LTBP1: variants seen among roughly 807,000 people sequenced by gnomAD.
The protein encoded by LTBP1 is latent-transforming growth factor beta-binding protein 1.
A neutral mutation model predicts 207.6 loss-of-function variants in LTBP1; 129 were observed. The observed-to-expected ratio is 0.62, with a 90% CI of 0.54 to 0.72. The LOEUF is 0.72. LTBP1 is among the 30% of genes least tolerant of loss of function. LTBP1 has a pLI of 0.00. For missense variants in LTBP1, 2,281 were observed against 2,217.2 expected (o/e 1.03, Z -0.58); for synonymous variants, 963 against 833.7 (o/e 1.16, Z -2.67).
chr2:33,279,657 G>C (rs530763576), intron 18 of LTBP1, among the ~76,000 whole-genome samples: 2 of 152,134 alleles, frequency 1.3e-5, no homozygotes, highest in Non-Finnish European at 2.9e-5. Flanking sequence ...CTAGCTGGGT[G>C]GATACATAGC....
At chr2:33,193,049 C>T (rs75357803) in intron 7 of LTBP1, among the ~76,000 whole-genome samples, 2,471 of 152,262 alleles carry the variant, frequency 0.016, 62 homozygotes, top group African/African-American at 0.055. Flanking sequence ...ACATTCAAAC[C>T]ATAGGAAATG....
At chr2:33,270,686 C>G (rs1176284864) in intron 15 of LTBP1, among the ~76,000 whole-genome samples, 1 of 151,066 alleles carries the variant, frequency 6.6e-6, no homozygotes, top group Non-Finnish European at 1.5e-5. Flanking sequence ...TAATTAATCA[C>G]TTGTGTAAAA....
intron 3 of LTBP1, among the ~76,000 whole-genome samples, chr2:33,082,263 C>T (rs950560523): frequency 6.6e-6 from 1 of 152,004 alleles, no homozygotes; most frequent in Non-Finnish European, 1.5e-5. Flanking sequence ...CATGTCAGCC[C>T]CTTGATCTTG....
intron 15 of LTBP1, among the ~76,000 whole-genome samples, chr2:33,268,388 C>G (rs1259869591): frequency 6.6e-6 from 1 of 152,170 alleles, no homozygotes; most frequent in African/African-American, 2.4e-5. Context: ...ACGTAAGAGT[C>G]TAAAATGAAT....
At chr2:33,180,425 A>G (rs960218413) in intron 5 of LTBP1, among the ~76,000 whole-genome samples, 3 of 149,400 alleles carry the variant, frequency 2.0e-5, no homozygotes, top group Middle Eastern at 7.0e-3. Context: ...AGGCAAGCAT[A>G]TAGGTTTGGT....
chr2:33,240,286 T>TA (rs2092264469), intron 9 of LTBP1, among the ~76,000 whole-genome samples: 1 of 152,198 alleles, frequency 6.6e-6, no homozygotes, highest in Non-Finnish European at 1.5e-5. Context: ...ATACAGTTGT[T>TA]AAGTCTAAAT....
chr2:33,196,463 G>A (rs1482364843), intron 7 of LTBP1, among the ~76,000 whole-genome samples: 1 of 152,062 alleles, frequency 6.6e-6, no homozygotes, highest in Non-Finnish European at 1.5e-5. Context: ...TGAGTGTGAG[G>A]TGACATGAGG....
At chr2:33,299,963 C>A (rs543729768) in intron 20 of LTBP1, among the ~76,000 whole-genome samples, 1 of 152,324 alleles carries the variant, frequency 6.6e-6, no homozygotes, top group African/African-American at 2.4e-5. Context: ...AGCCAGAGTT[C>A]TTTATACAAC....
intron 20 of LTBP1, among the ~76,000 whole-genome samples, chr2:33,299,975 G>C (rs1198763957): frequency 6.6e-6 from 1 of 152,264 alleles, no homozygotes; most frequent in South Asian, 2.1e-4. Context: ...TTATACAACT[G>C]TTTGGCCTTA....
chr2:33,089,015 G>T (rs894128387), intron 3 of LTBP1, among the ~76,000 whole-genome samples: 17 of 151,786 alleles, frequency 1.1e-4, no homozygotes, highest in South Asian at 2.1e-4. Flanking sequence ...AATTAGCCAG[G>T]TGTGGTGGCA....
intron 5 of LTBP1, among the ~76,000 whole-genome samples, chr2:33,167,361 CAAA>C (rs80088509): frequency 8.9e-6 from 1 of 112,882 alleles, no homozygotes; most frequent in Admixed American, 9.2e-5. Flanking sequence ...TTTGTACATT[CAAA>C]AAAAAAAAAA....
intron 15 of LTBP1, among the ~76,000 whole-genome samples, chr2:33,273,237 A>C (rs1430511242): frequency 6.6e-6 from 1 of 152,130 alleles, no homozygotes; most frequent in Non-Finnish European, 1.5e-5. Flanking sequence ...GGAAAGTTAC[A>C]ATGTGTTTCT....
intron 2 of LTBP1, among the ~76,000 whole-genome samples, chr2:32,979,456 C>T (rs1339033926): frequency 2.6e-5 from 4 of 152,146 alleles, no homozygotes; most frequent in Admixed American, 1.3e-4. Context: ...GCCCTCTGAT[C>T]GTTCAGGAGC....
intron 24 of LTBP1, among the ~76,000 whole-genome samples, chr2:33,341,706 G>A (rs1422192363): frequency 5.5e-5 from 5 of 91,260 alleles, no homozygotes; most frequent in African/African-American, 1.3e-4. Context: ...GTGAGACTCC[G>A]TCTCACTCAA....
intron 3 of LTBP1, among the ~76,000 whole-genome samples, chr2:33,084,952 G>A (rs558094031): frequency 9.2e-5 from 14 of 152,252 alleles, no homozygotes; most frequent in African/African-American, 3.1e-4. Context: ...CTTAATCCTC[G>A]AACCTGTGAA....
chr2:33,257,179 T>C, intron 11 of LTBP1, 105 bp from the exon 12 acceptor site: 1 of 793,656 alleles, frequency 1.3e-6, no homozygotes, highest in South Asian at 2.2e-5. Context: ...AAAATGTAAC[T>C]ACATTAGTGA....
Position 33,331,151 on chromosome 2 carries a change from G to A in LTBP1, c.3731-11687G>A, listed in dbSNP as rs150905338. Among the ~76,000 whole-genome samples the A allele has an allele frequency of 7.9e-4, 120 of 151,526 alleles. No homozygotes were observed. In the Middle Eastern group the frequency reaches 0.017, roughly 21 times the overall value. On this transcript the variant is annotated intron_variant, in intron 24 of 33. Transcript: ENST00000404816. Reference sequence around the variant, plus strand: ...GTTTCGCTCTTGATCAGTTTTCCTAGGGTTATTAGTCATTTCAAAGAAACA... The same window carrying A: ...GTTTCGCTCTTGATCAGTTTTCCTAAGGTTATTAGTCATTTCAAAGAAACA...
chr2:33,373,399 T>C (rs1351978388), intron 31 of LTBP1, among the ~76,000 whole-genome samples: 3 of 152,174 alleles, frequency 2.0e-5, no homozygotes, highest in Non-Finnish European at 4.4e-5. Flanking sequence ...CTGGGACTGA[T>C]GAAAGAGCAA....
At chr2:33,142,940 C>T (rs748259728) in intron 5 of LTBP1, among the ~76,000 whole-genome samples, 3 of 152,298 alleles carry the variant, frequency 2.0e-5, no homozygotes, top group Admixed American at 2.0e-4. Context: ...CTTGAGCATA[C>T]GGAGTGATCT....
Sources: gnomAD v4.1 joint callset for allele counts (sites outside exome capture counted in the v4.1 genomes callset) on GRCh38, gnomAD v4.1.1 for gene constraint, MANE v1.5 for transcripts, NCBI Gene and HGNC (gene_info 2026-07-23, HGNC 2026-07-21) for gene names.